The following CPAMD8 variants were observed in gnomAD, a reference collection of about 807,000 sequenced individuals.
CPAMD8 encodes C3 and PZP like alpha-2-macroglobulin domain containing 8, also known as C3 and PZP-like alpha-2-macroglobulin domain-containing protein 8.
In CPAMD8, 146 loss-of-function variants were observed where a neutral mutation model predicts 224.7. The observed-to-expected ratio is 0.65, with a 90% CI of 0.57 to 0.75. The LOEUF (loss-of-function observed/expected upper bound fraction) is 0.75. CPAMD8 is among the 30% of genes least tolerant of loss of function. CPAMD8 has a pLI of 0.00. For synonymous variants in CPAMD8, 966 were observed against 1,044.6 expected (o/e 0.92, Z 1.45); for missense variants, 2,301 against 2,537.5 (o/e 0.91, Z 2.00).
chr19:17,018,994 C>A (rs2056885472), intron 3 of CPAMD8, among the ~76,000 whole-genome samples: 1 of 150,974 alleles, frequency 6.6e-6, no homozygotes, highest in Non-Finnish European at 1.5e-5. Flanking sequence ...AAGAGGGGTG[C>A]AATAGGATGC....
At chr19:17,018,611 T>C (rs1259939510) in intron 3 of CPAMD8, among the ~76,000 whole-genome samples, 1 of 152,054 alleles carries the variant, frequency 6.6e-6, no homozygotes, top group East Asian at 1.9e-4. Flanking sequence ...GGGTGGCTCA[T>C]GCCTGTAATC....
At chr19:17,016,078 G>A (rs565004062) in intron 3 of CPAMD8, among the ~76,000 whole-genome samples, 1 of 152,256 alleles carries the variant, frequency 6.6e-6, no homozygotes, top group Admixed American at 6.5e-5. Flanking sequence ...TGAGTGGCTG[G>A]GACTACAGGT....
At chr19:16,997,850 A>G (rs2056184227) in intron 10 of CPAMD8, among the ~76,000 whole-genome samples, 1 of 150,714 alleles carries the variant, frequency 6.6e-6, no homozygotes, top group African/African-American at 2.4e-5. Flanking sequence ...AAAAAAGAGG[A>G]AAGAGATTCC....
chr19:16,977,987 T>A (rs1399616046), intron 14 of CPAMD8, among the ~76,000 whole-genome samples: 3 of 152,132 alleles, frequency 2.0e-5, no homozygotes, highest in African/African-American at 7.2e-5. Context: ...TTTGCTGACT[T>A]GAACCGAGTT....
intron 17 of CPAMD8, among the ~76,000 whole-genome samples, chr19:16,973,083 C>T (rs555448238): frequency 1.3e-5 from 2 of 152,068 alleles, no homozygotes; most frequent in South Asian, 2.1e-4. Context: ...GCAGGAGGAT[C>T]GCTTGAGCCC....
chr19:17,018,868 A>G (rs1335914523), intron 3 of CPAMD8, among the ~76,000 whole-genome samples: 1 of 148,932 alleles, frequency 6.7e-6, no homozygotes, highest in Non-Finnish European at 1.5e-5. Flanking sequence ...AGATTGTACC[A>G]TTGCACTCCA....
At chr19:16,921,833 C>T (rs2053185565) in intron 27 of CPAMD8, 72 bp downstream of exon 27, 2 of 965,740 alleles carry the variant, frequency 2.1e-6, no homozygotes, top group African/African-American at 1.6e-5. Context: ...TCTGGTCACA[C>T]TGCATTGGAT....
At chr19:17,015,912 C>G (rs1267837215) in intron 3 of CPAMD8, among the ~76,000 whole-genome samples, 2 of 152,154 alleles carry the variant, frequency 1.3e-5, no homozygotes, top group Admixed American at 1.3e-4. Flanking sequence ...GAGGATGCCT[C>G]CCACAGGGAG....
Position 16,903,660 on chromosome 19 carries a change from C to T in CPAMD8, c.4408-37G>A, listed in dbSNP as rs369782880. On this transcript the variant is annotated intron_variant, in intron 33 of 41. Transcript: ENST00000443236. Reference sequence around the variant, plus strand: ...AGTCACCGTGAGGCCCTGCTGACCCCTCCTCCAACAACCCCCAAACCCTCA... The same window carrying T: ...AGTCACCGTGAGGCCCTGCTGACCCTTCCTCCAACAACCCCCAAACCCTCA... 12 of 1,613,918 alleles carry T rather than the reference C, an allele frequency of 7.4e-6. No homozygotes were observed. In the South Asian group the frequency reaches 1.1e-4, roughly 15 times the overall value.
chr19:16,952,802 C>A (rs991340432), intron 19 of CPAMD8, among the ~76,000 whole-genome samples: 1 of 152,196 alleles, frequency 6.6e-6, no homozygotes, highest in African/African-American at 2.4e-5. Flanking sequence ...CCAAAGTGAT[C>A]TATAGATTCA....
intron 41 of CPAMD8, chr19:16,894,252 G>T: frequency 2.6e-6 from 1 of 380,976 alleles, no homozygotes; most frequent in Non-Finnish European, 5.5e-6. Flanking sequence ...GGTCCCAAGA[G>T]TCTCATCCTA....
chr19:16,917,728 G>T (rs1057287810), intron 27 of CPAMD8, among the ~76,000 whole-genome samples: 4 of 152,266 alleles, frequency 2.6e-5, no homozygotes, highest in African/African-American at 9.6e-5. Flanking sequence ...GAAACAGAGC[G>T]AGATCTTGTC....
At chr19:16,903,430 C>A in intron 34 of CPAMD8, 131 bp downstream of exon 34, 1 of 1,359,288 alleles carries the variant, frequency 7.4e-7, no homozygotes, top group South Asian at 1.4e-5. Flanking sequence ...AGGCTGAAAA[C>A]CTGTCCTGCA....
At chr19:16,992,336 T>C (rs1380833388) in intron 12 of CPAMD8, among the ~76,000 whole-genome samples, 1 of 152,128 alleles carries the variant, frequency 6.6e-6, no homozygotes, top group Non-Finnish European at 1.5e-5. Flanking sequence ...TGGCCTATAA[T>C]CCCTATGCTT....
chr19:16,911,790 C>T (rs761769019), intron 29 of CPAMD8, among the ~76,000 whole-genome samples: 24 of 151,892 alleles, frequency 1.6e-4, no homozygotes, highest in African/African-American at 2.9e-4. Context: ...TGTGATCCAC[C>T]GCCTCAGCCT....
At chr19:16,964,425 A>C (rs2054756879) in intron 18 of CPAMD8, among the ~76,000 whole-genome samples, 1 of 152,190 alleles carries the variant, frequency 6.6e-6, no homozygotes, top group South Asian at 2.1e-4. Flanking sequence ...TACGCAAATA[A>C]ACCAGAAAAT....
At chr19:16,994,541 GAC>G (rs1462531385) in intron 11 of CPAMD8, among the ~76,000 whole-genome samples, 1 of 102,578 alleles carries the variant, frequency 9.7e-6, no homozygotes, top group Non-Finnish European at 1.8e-5. Context: ...TTTTTTGAGA[GAC>G]AGAGTCTTGC....
chr19:16,924,132 C>T (rs1229695102), intron 26 of CPAMD8, among the ~76,000 whole-genome samples: 2 of 152,044 alleles, frequency 1.3e-5, no homozygotes, highest in Admixed American at 6.6e-5. Flanking sequence ...ACCAGCTCTG[C>T]GGACACCTTT....
rs80196821 is a variant in CPAMD8 at position 16,994,470 on chromosome 19, G to A, written c.1096-884C>T. 8.8e-3 allele frequency among the ~76,000 whole-genome samples: 1,338 copies of A among 151,584 alleles called. 31 individuals are homozygous for A. The highest frequency in any genetic ancestry group is 0.031 in the African/African-American group (1,282 of 41,242). On this transcript the variant is annotated intron_variant, in intron 11 of 41. Transcript: ENST00000443236. The stretch of plus-strand genomic sequence containing the variant: ...CTCAGCTGTGCAGGTATCTGGTGAC[G>A]GAGTGAACCAGGATTCAGCCCACAT...
Sources: gnomAD v4.1 joint callset for allele counts (sites outside exome capture counted in the v4.1 genomes callset) on GRCh38, gnomAD v4.1.1 for gene constraint, MANE v1.5 for transcripts, NCBI Gene and HGNC (gene_info 2026-07-23, HGNC 2026-07-21) for gene names.